Variants in SRGAP2B observed in about 807,000 individuals in gnomAD.
SRGAP2B encodes the protein SLIT-ROBO Rho GTPase-activating protein 2B.
SRGAP2B carries 9 observed loss-of-function variants against 22.2 expected under a neutral mutation model. The observed-to-expected ratio is 0.41, with a 90% CI of 0.24 to 0.71. The LOEUF (loss-of-function observed/expected upper bound fraction) is 0.71, where lower values mean the gene tolerates loss of function less well. Ranked by LOEUF, SRGAP2B falls within the 30% of genes least tolerant of loss-of-function variation. SRGAP2B has a pLI of 0.35. For missense variants in SRGAP2B, 114 were observed against 235.8 expected (o/e 0.48, Z 3.38); for synonymous variants, 36 against 87.4 (o/e 0.41, Z 3.28).
intron 2 of SRGAP2B, among the ~76,000 whole-genome samples, chr1:145,064,393 G>A (rs1651269112): frequency 6.7e-6 from 1 of 148,832 alleles, no homozygotes; most frequent in Non-Finnish European, 1.5e-5. Context: ...ATGCAGCAAA[G>A]TAAAGATGGA....
intron 3 of SRGAP2B, among the ~76,000 whole-genome samples, chr1:144,971,907 T>C (rs1371603438): frequency 1.3e-5 from 2 of 150,044 alleles, no homozygotes; most frequent in African/African-American, 5.0e-5. Flanking sequence ...TTTTCTTATT[T>C]CATTGTGGTG....
intron 2 of SRGAP2B, among the ~76,000 whole-genome samples, chr1:144,999,961 G>GA (rs1341477911): frequency 3.3e-5 from 5 of 150,274 alleles, no homozygotes; most frequent in Admixed American, 6.6e-5. Context: ...ATATCTCACT[G>GA]AAAAAAACAG....
rs1227837722 is a variant in SRGAP2B at position 145,007,154 on chromosome 1, A to G, written c.68-11954T>C. Among the ~76,000 whole-genome samples, 10 of 150,648 alleles carry G rather than the reference A, an allele frequency of 6.6e-5. 1 individual carries two copies. Among genetic ancestry groups the G allele is most frequent in the East Asian group, 1.9e-4 (1 of 5,172 alleles). ...CCACGATTCCTCCCATTTCACAACG[A>G]GGGACCACTGAGGTTCAGAGAGATC... On this transcript the variant is annotated intron_variant, in intron 2 of 9. Coordinates refer to ENST00000612199, the Ensembl canonical transcript of SRGAP2B.
chr1:145,002,607 A>G (rs1211689088), intron 2 of SRGAP2B, among the ~76,000 whole-genome samples: 1 of 149,410 alleles, frequency 6.7e-6, no homozygotes, highest in South Asian at 2.1e-4. Flanking sequence ...CAAAAAAACC[A>G]CTTTGCCTTG....
chr1:145,006,156 G>A (rs1671573968), intron 2 of SRGAP2B, among the ~76,000 whole-genome samples: 1 of 150,898 alleles, frequency 6.6e-6, no homozygotes, highest in African/African-American at 2.5e-5. Flanking sequence ...ATGAGACTTG[G>A]AGTGACCTAT....
chr1:144,993,848 T>A (rs1306105233), intron 3 of SRGAP2B, among the ~76,000 whole-genome samples: 1 of 149,114 alleles, frequency 6.7e-6, no homozygotes, highest in Non-Finnish European at 1.5e-5. Context: ...CAGATTGGAA[T>A]GGAGAGAAAC....
chr1:145,006,601 C>A (rs1671612359), intron 2 of SRGAP2B, among the ~76,000 whole-genome samples: 1 of 150,388 alleles, frequency 6.6e-6, no homozygotes, highest in Non-Finnish European at 1.5e-5. Context: ...CCCAGCAGAT[C>A]CTTCAGAATA....
chr1:144,930,508 A>C (rs1159311527), intron 4 of SRGAP2B, among the ~76,000 whole-genome samples: 3 of 142,812 alleles, frequency 2.1e-5, no homozygotes, highest in Non-Finnish European at 4.5e-5. Flanking sequence ...GTGACCACCA[A>C]ATGGAGGAAC....
chr1:145,007,802 C>CTTTTTTTTTTTT (rs880001624), intron 2 of SRGAP2B, among the ~76,000 whole-genome samples: 6 of 101,202 alleles, frequency 5.9e-5, no homozygotes, highest in Admixed American at 9.8e-5. Context: ...ATTTCTTCTT[C>CTTTTTTTTTTTT]TTTTTTTTTT....
intron 4 of SRGAP2B, among the ~76,000 whole-genome samples, chr1:144,951,809 A>C (rs1323232951): frequency 7.0e-6 from 1 of 143,388 alleles, no homozygotes; most frequent in Non-Finnish European, 1.5e-5. Flanking sequence ...ATGTCCCCAG[A>C]GAAATGGGTC....
At chr1:144,967,631 T>C (rs1354307653) in intron 3 of SRGAP2B, among the ~76,000 whole-genome samples, 3 of 120,798 alleles carry the variant, frequency 2.5e-5, no homozygotes, top group African/African-American at 1.0e-4. Flanking sequence ...AGGCAAGAAA[T>C]AACTAAAATC....
chr1:144,964,910 T>A, intron 3 of SRGAP2B: 1 of 679,886 alleles, frequency 1.5e-6, no homozygotes, highest in East Asian at 2.7e-5. Context: ...ACATAGGACC[T>A]GTCTCTTAAA....
intron 3 of SRGAP2B, among the ~76,000 whole-genome samples, chr1:144,979,619 G>A (rs587696927): frequency 1.6e-4 from 24 of 148,664 alleles, no homozygotes; most frequent in African/African-American, 4.9e-4. Flanking sequence ...AGGTGACTGC[G>A]TCATGGGGGT....
In SRGAP2B at chr1:144,967,622, G is replaced by A. The variant is rs1221900477; in HGVS notation, c.261-12021C>T. Among the ~76,000 whole-genome samples, 155 of 132,308 alleles carry A rather than the reference G, an allele frequency of 1.2e-3. 1 individual carries two copies. Among genetic ancestry groups the A allele is most frequent in the African/African-American group, 4.5e-3 (148 of 32,858 alleles). The allele number at this position is 132,308 out of a possible 152,430, so 86.8% of individuals were successfully genotyped here. On this transcript the variant is annotated intron_variant, in intron 3 of 9. Coordinates refer to ENST00000612199, the Ensembl canonical transcript of SRGAP2B. ...CAAACACATTCAAAAGCTAGCAGAA[G>A]GCAAGAAATAACTAAAATCAGAGCA...
chr1:145,041,945 CA>C (rs1208363416), intron 2 of SRGAP2B, among the ~76,000 whole-genome samples: 1 of 143,592 alleles, frequency 7.0e-6, no homozygotes, highest in Non-Finnish European at 1.5e-5. Flanking sequence ...AGGAGTACAA[CA>C]ACTAGCACAA....
chr1:144,998,664 G>A (rs2102177596), intron 2 of SRGAP2B, among the ~76,000 whole-genome samples: 1 of 151,060 alleles, frequency 6.6e-6, no homozygotes, highest in South Asian at 2.1e-4. Context: ...GGAAAAAGAA[G>A]AAAGGAAGCA....
chr1:144,971,037 T>C (rs1668474326), intron 3 of SRGAP2B, among the ~76,000 whole-genome samples: 1 of 150,738 alleles, frequency 6.6e-6, no homozygotes, highest in Non-Finnish European at 1.5e-5. Flanking sequence ...ACTAGAATCA[T>C]GTCTGAAAAG....
chr1:144,966,295 G>A lies in SRGAP2B; in HGVS notation c.261-10694C>T, dbSNP rs1471813702. 1.5e-3 allele frequency among the ~76,000 whole-genome samples: 218 copies of A among 149,942 alleles called. 2 individuals are homozygous for A. The highest frequency in any genetic ancestry group is 5.2e-3 in the African/African-American group (204 of 39,552). On this transcript the variant is annotated intron_variant, in intron 3 of 9. Coordinates refer to ENST00000612199, the Ensembl canonical transcript of SRGAP2B. ...CCATCAGACTAACAGCAAATCTCTC[G>A]GCAGAAACCCTACAAGCCAGAAGAG...
At chr1:145,064,261 G>T (rs1651248564) in intron 2 of SRGAP2B, among the ~76,000 whole-genome samples, 1 of 146,712 alleles carries the variant, frequency 6.8e-6, no homozygotes, top group African/African-American at 2.7e-5. Context: ...AGCTTTGCTG[G>T]TAGACAAAAC....
Sources: allele counts gnomAD v4.1 joint callset (sites outside exome capture counted in the v4.1 genomes callset), GRCh38; gene constraint gnomAD v4.1.1; transcripts MANE v1.5; gene names NCBI Gene and HGNC (gene_info 2026-07-23, HGNC 2026-07-21).